DYNC1LI2: variants seen among roughly 807,000 people sequenced by gnomAD.
DYNC1LI2 encodes the protein cytoplasmic dynein 1 light intermediate chain 2.
Under a neutral mutation model 57.8 loss-of-function variants are expected in DYNC1LI2, and 19 were observed. That is an observed-to-expected ratio of 0.33 (90% CI 0.23 to 0.48). The LOEUF (loss-of-function observed/expected upper bound fraction) is 0.48. Ranked by LOEUF, DYNC1LI2 falls within the 20% of genes least tolerant of loss-of-function variation. DYNC1LI2 has a pLI of 0.99. For missense variants in DYNC1LI2, 470 were observed against 604.2 expected (o/e 0.78, Z 2.33); for synonymous variants, 256 against 233.4 (o/e 1.10, Z -0.88).
chr16:66,732,309 G>C, intron 7 of DYNC1LI2, 30 bp downstream of exon 7: 1 of 1,602,892 alleles, frequency 6.2e-7, no homozygotes. Context: ...AAAAAGAAGA[G>C]TTTCAAAGCA....
intron 12 of DYNC1LI2, among the ~76,000 whole-genome samples, chr16:66,724,066 C>CG (rs747509696): frequency 1.3e-5 from 2 of 152,028 alleles, no homozygotes; most frequent in Non-Finnish European, 2.9e-5. Flanking sequence ...TGCTCTCTGG[C>CG]GGGGGGTGCC....
intron 9 of DYNC1LI2, among the ~76,000 whole-genome samples, 184 bp from the exon 10 acceptor site, chr16:66,728,426 C>T (rs1379786078): frequency 6.6e-6 from 1 of 152,096 alleles, no homozygotes; most frequent in African/African-American, 2.4e-5. Flanking sequence ...AAAAAAAATA[C>T]TCCAAGTAAC....
chr16:66,730,815 G>C (rs1197787844), intron 7 of DYNC1LI2: 1 of 152,324 alleles, frequency 6.6e-6, no homozygotes, highest in African/African-American at 2.4e-5. Flanking sequence ...GTGCTGGCCA[G>C]CTCAACATCA....
chr16:66,738,160 T>C (rs2017769201), intron 4 of DYNC1LI2: 1 of 152,128 alleles, frequency 6.6e-6, no homozygotes, highest in Non-Finnish European at 1.5e-5. Flanking sequence ...GAGCTCTCTG[T>C]CTTTCATGTA....
rs185733215 is a variant in DYNC1LI2 at position 66,723,351 on chromosome 16, A to G, written c.*371T>C. The G allele has an allele frequency of 1.3e-4, 58 of 463,260 alleles. No individual in the cohort carries two copies. The highest frequency in any genetic ancestry group is 1.1e-3 in the African/African-American group (57 of 50,458). The allele number at this position is 463,260 out of a possible 1,614,324, so 28.7% of individuals were successfully genotyped here. ...AAGAACAAGTGAATTTACTAACATG[A>G]AACTGGTCAGACTAACCATCATCTT... On this transcript the variant is annotated 3_prime_UTR_variant, in exon 13 of 13. Coordinates refer to ENST00000258198, the MANE Select transcript of DYNC1LI2 (RefSeq NM_006141.3).
chr16:66,730,245 C>T, intron 7 of DYNC1LI2, 22 bp from the exon 8 acceptor site: 6 of 1,603,174 alleles, frequency 3.7e-6, no homozygotes, highest in Non-Finnish European at 5.1e-6. Flanking sequence ...GAGAGAGGGA[C>T]TGAATTGCTT....
chr16:66,737,257 C>A, intron 4 of DYNC1LI2, among the ~76,000 whole-genome samples: 1 of 152,164 alleles, frequency 6.6e-6, no homozygotes, highest in Admixed American at 6.6e-5. Flanking sequence ...GTCTGGGCAA[C>A]AGAGTGAGAC....
At chr16:66,748,776 A>T (rs932102594) in intron 3 of DYNC1LI2, among the ~76,000 whole-genome samples, 1 of 152,180 alleles carries the variant, frequency 6.6e-6, no homozygotes, top group African/African-American at 2.4e-5. Flanking sequence ...AAACTCTCCT[A>T]TTAACATATG....
At chr16:66,728,760 T>A (rs1421236649) in intron 9 of DYNC1LI2, among the ~76,000 whole-genome samples, 1 of 152,210 alleles carries the variant, frequency 6.6e-6, no homozygotes, top group Admixed American at 6.5e-5. Context: ...TAGGAAGTAT[T>A]ATGCCAGAAA....
intron 4 of DYNC1LI2, among the ~76,000 whole-genome samples, chr16:66,736,790 C>T (rs1339282118): frequency 6.6e-6 from 1 of 152,180 alleles, no homozygotes; most frequent in Non-Finnish European, 1.5e-5. Context: ...AGTCTTGAGC[C>T]ACCATGTCTG....
rs773312287 is a variant in DYNC1LI2, at chr16:66,729,096, CCAGCTGTGAAACAA to C, written c.1042-11_1044del. On this transcript the variant is annotated splice_acceptor_variant and splice_polypyrimidine_tract_variant and coding_sequence_variant and intron_variant, in exon 9 of 13. Transcript: ENST00000258198. LOFTEE classifies it high-confidence loss of function. ...TCTGCTGCCAACTCTTTGTCGTGGA[CCAGCTGTGAAACAA>C]CATACATGTTTGTGGCCACAGGCCA... The C allele has an allele frequency of 6.2e-7, 1 of 1,614,120 alleles. No individual in the cohort carries two copies. Among genetic ancestry groups the C allele is most frequent in the Non-Finnish European group, 8.5e-7 (1 of 1,180,042 alleles).
At position 66,751,244 on chromosome 16, in the gene DYNC1LI2, TGGGGCAACGCCCCGCCGCC is replaced by T; in HGVS notation, c.181+10_181+28del. The T allele has an allele frequency of 6.2e-7, 1 of 1,606,794 alleles. No homozygotes were observed. Among genetic ancestry groups the T allele is most frequent in the Non-Finnish European group, 8.5e-7 (1 of 1,177,180 alleles). ...GCCCGCCTCGCCCACCCCAGCGACC[TGGGGCAACGCCCCGCCGCC>T]GGCGCTCACCGAAGACCAGGATGTT... On this transcript the variant is annotated intron_variant, in intron 2 of 12. Transcript: ENST00000258198. This position sits in a 1 kb window ranked among gnomAD's most constrained non-coding sequence, Gnocchi z 5.2.
intron 3 of DYNC1LI2, among the ~76,000 whole-genome samples, chr16:66,744,962 G>A (rs2017909011): frequency 6.6e-6 from 1 of 151,964 alleles, no homozygotes; most frequent in African/African-American, 2.4e-5. Context: ...ACCCAGGTTG[G>A]AATGCAGTGG....
At chr16:66,747,671 G>C (rs554424897) in intron 3 of DYNC1LI2, among the ~76,000 whole-genome samples, 24 of 151,404 alleles carry the variant, frequency 1.6e-4, no homozygotes, top group African/African-American at 4.6e-4. Flanking sequence ...CTGGGTTCAA[G>C]TGATTTTCAT....
intron 3 of DYNC1LI2, among the ~76,000 whole-genome samples, chr16:66,746,390 T>C (rs1309349408): frequency 1.3e-5 from 2 of 152,186 alleles, no homozygotes. Flanking sequence ...TTGCAAAGTG[T>C]ATATTTATAA....
At chr16:66,737,527 T>C (rs966832523) in intron 4 of DYNC1LI2, among the ~76,000 whole-genome samples, 1 of 148,372 alleles carries the variant, frequency 6.7e-6, no homozygotes, top group Non-Finnish European at 1.5e-5. Flanking sequence ...ATGAAACAAT[T>C]GAATTTTATA....
chr16:66,738,884 AACACACACACACACACACACACACACAC>A lies in DYNC1LI2; in HGVS notation c.530-2668_530-2641del, dbSNP rs34638723. The A allele has an allele frequency of 9.0e-5, 12 of 133,474 alleles. No homozygotes were observed. In the South Asian group the frequency reaches 9.7e-4, roughly 11 times the overall value. 8.3% of individuals were successfully genotyped at this position (133,474 alleles called of 1,614,324 possible). On this transcript the variant is annotated intron_variant, in intron 4 of 12. Transcript: ENST00000258198. ...TGAGACTCTGTTTCAAAAAAAAACA[AACACACACACACACACACACACACACAC>A]ACACACACACACACACACACACAAA...
chr16:66,723,014 G>A lies in DYNC1LI2; in HGVS notation c.*708C>T. On this transcript the variant is annotated 3_prime_UTR_variant, in exon 13 of 13. Coordinates refer to ENST00000258198, the MANE Select transcript of DYNC1LI2 (RefSeq NM_006141.3). ...GGACATAGCCTGGGCCAAGCACATG[G>A]GTCCTGGGCAGCTGCCATCGTTCCC... is the stretch of plus-strand genomic sequence containing the variant. 3.5e-6 allele frequency: 1 copy of A among 284,612 alleles called. No individual in the cohort carries two copies. The allele number at this position is 284,612 out of a possible 1,614,324, so 17.6% of individuals were successfully genotyped here.
chr16:66,750,667 C>G (rs2018027760), intron 2 of DYNC1LI2, among the ~76,000 whole-genome samples: 1 of 152,148 alleles, frequency 6.6e-6, no homozygotes, highest in African/African-American at 2.4e-5. Flanking sequence ...CTATGCTGAG[C>G]CTGTGCCCAG....
Sources: gnomAD v4.1 joint callset for allele counts (sites outside exome capture counted in the v4.1 genomes callset) on GRCh38, gnomAD v4.1.1 for gene constraint, Gnocchi (gnomAD v3.1) non-coding constraint, MANE v1.5 for transcripts, NCBI Gene and HGNC (gene_info 2026-07-23, HGNC 2026-07-21) for gene names.